Variants in FBXL7 observed in about 807,000 individuals in gnomAD.
The protein encoded by FBXL7 is F-box/LRR-repeat protein 7.
In FBXL7, 12 loss-of-function variants were observed where a neutral mutation model predicts 38.3. The observed-to-expected ratio is 0.31, with a 90% CI of 0.20 to 0.51. FBXL7 has a LOEUF of 0.51. Among genes scored for constraint, FBXL7 ranks in the 20% least tolerant of loss-of-function variants. FBXL7 has a pLI of 0.98. For synonymous variants in FBXL7, 297 were observed against 300.9 expected (o/e 0.99, Z 0.13); for missense variants, 567 against 676.4 (o/e 0.84, Z 1.79).
intron 1 of FBXL7, among the ~76,000 whole-genome samples, chr5:15,571,923 A>G (rs960732081): frequency 6.6e-6 from 1 of 152,148 alleles, no homozygotes; most frequent in African/African-American, 2.4e-5. Flanking sequence ...CACATGCCCC[A>G]TCTCTTACCC....
intron 1 of FBXL7, among the ~76,000 whole-genome samples, chr5:15,576,381 G>C (rs988798852): frequency 2.6e-5 from 4 of 152,118 alleles, no homozygotes; most frequent in African/African-American, 9.7e-5. Context: ...ACTGTGCCTG[G>C]CTGAGAATCT....
chr5:15,529,615 C>T (rs1255539682), intron 1 of FBXL7, among the ~76,000 whole-genome samples: 1 of 152,064 alleles, frequency 6.6e-6, no homozygotes. Flanking sequence ...GTCGCGATCT[C>T]CTGACCTCGT....
chr5:15,889,149 A>G (rs1256642729), intron 2 of FBXL7, among the ~76,000 whole-genome samples: 1 of 152,150 alleles, frequency 6.6e-6, no homozygotes, highest in African/African-American at 2.4e-5. Context: ...GGTATAATCC[A>G]CTAGGAAGGA....
At chr5:15,805,298 G>A (rs998674379) in intron 2 of FBXL7, among the ~76,000 whole-genome samples, 3 of 152,288 alleles carry the variant, frequency 2.0e-5, no homozygotes, top group South Asian at 2.1e-4. Context: ...GAAGGGTGTT[G>A]TGCTGGATTC....
intron 2 of FBXL7, among the ~76,000 whole-genome samples, chr5:15,706,616 G>C (rs895344929): frequency 3.3e-5 from 5 of 152,100 alleles, no homozygotes; most frequent in African/African-American, 1.2e-4. Context: ...ACTTAACTAA[G>C]GTAGTAGCAG....
chr5:15,657,185 A>G (rs1741912494), intron 2 of FBXL7, among the ~76,000 whole-genome samples: 1 of 152,228 alleles, frequency 6.6e-6, no homozygotes, highest in South Asian at 2.1e-4. Context: ...TGCAGTTCCA[A>G]TCAGAATTTA....
At position 15,937,275 on chromosome 5, in the gene FBXL7, C is replaced by A; in HGVS notation, c.*89C>A. Reference sequence around the variant, plus strand: ...CAGCGTATGTAAGCACCGACACCCACTCAAAACAGCTCTTTCTTCCGGGAA... The same window carrying A: ...CAGCGTATGTAAGCACCGACACCCAATCAAAACAGCTCTTTCTTCCGGGAA... On this transcript the variant is annotated 3_prime_UTR_variant, in exon 4 of 4. Transcript: ENST00000504595. 3 of 1,367,596 alleles carry A rather than the reference C, an allele frequency of 2.2e-6. No individual in the cohort carries two copies. Among genetic ancestry groups the A allele is most frequent in the Non-Finnish European group, 2.9e-6 (3 of 1,037,940 alleles). 84.7% of individuals were successfully genotyped at this position (1,367,596 alleles called of 1,614,324 possible). A position where few individuals can be genotyped will look rare whatever the true frequency, so the allele number is the denominator to read the frequency against.
intron 2 of FBXL7, among the ~76,000 whole-genome samples, chr5:15,806,752 G>A (rs928920446): frequency 2.0e-5 from 3 of 152,118 alleles, no homozygotes; most frequent in Admixed American, 2.0e-4. Context: ...CAGGAGACAG[G>A]GGGCCCACGT....
chr5:15,734,130 A>T (rs35541655), intron 2 of FBXL7, among the ~76,000 whole-genome samples: 2 of 95,366 alleles, frequency 2.1e-5, no homozygotes, highest in Non-Finnish European at 4.7e-5. Context: ...AAAAAAAAAA[A>T]AAAAGCTTGT....
intron 2 of FBXL7, among the ~76,000 whole-genome samples, chr5:15,667,813 T>G (rs896272132): frequency 6.6e-6 from 1 of 152,184 alleles, no homozygotes; most frequent in Non-Finnish European, 1.5e-5. Context: ...TTATTTTCTT[T>G]CTAGTCACTA....
chr5:15,931,002 T>C (rs114492567), intron 3 of FBXL7, among the ~76,000 whole-genome samples: 1 of 152,204 alleles, frequency 6.6e-6, no homozygotes. Flanking sequence ...GACTTGACTT[T>C]GGAAGACTCA....
intron 2 of FBXL7, among the ~76,000 whole-genome samples, chr5:15,873,740 C>T (rs548983481): frequency 5.6e-4 from 85 of 152,236 alleles, no homozygotes; most frequent in African/African-American, 2.0e-3. Context: ...CCTGACTAGA[C>T]CAATAACAAG....
intron 1 of FBXL7, among the ~76,000 whole-genome samples, chr5:15,586,257 TCCCCTCCCCTCC>T (rs1739300204): frequency 4.5e-5 from 3 of 66,620 alleles, no homozygotes; most frequent in African/African-American, 1.8e-4. Context: ...GTTTCTCCCC[TCCCCTCCCCTCC>T]CCCCTCCCCC....
At chr5:15,519,546 A>G (rs1561013082) in intron 1 of FBXL7, among the ~76,000 whole-genome samples, 2 of 152,176 alleles carry the variant, frequency 1.3e-5, no homozygotes, top group Non-Finnish European at 2.9e-5. Context: ...ACAGGAGAGC[A>G]AAGTTATGCT....
intron 2 of FBXL7, among the ~76,000 whole-genome samples, chr5:15,860,984 C>T (rs530705541): frequency 1.3e-5 from 2 of 152,316 alleles, no homozygotes; most frequent in Admixed American, 1.3e-4. Flanking sequence ...CTGCACCACA[C>T]TTTTTGCTAC....
At chr5:15,873,139 G>A (rs1485522420) in intron 2 of FBXL7, among the ~76,000 whole-genome samples, 1 of 152,132 alleles carries the variant, frequency 6.6e-6, no homozygotes, top group Non-Finnish European at 1.5e-5. Flanking sequence ...ACTCAAAACT[G>A]CACAACTACA....
intron 2 of FBXL7, among the ~76,000 whole-genome samples, chr5:15,658,260 C>A (rs953573094): frequency 7.2e-5 from 11 of 152,250 alleles, no homozygotes; most frequent in Admixed American, 5.9e-4. Flanking sequence ...CTCTTTAATA[C>A]ATTTATTTTT....
At chr5:15,534,482 T>C (rs1737523338) in intron 1 of FBXL7, among the ~76,000 whole-genome samples, 1 of 152,236 alleles carries the variant, frequency 6.6e-6, no homozygotes, top group Admixed American at 6.5e-5. Flanking sequence ...TCATGTTTTT[T>C]CATGATTTGA....
intron 2 of FBXL7, among the ~76,000 whole-genome samples, chr5:15,894,727 G>C (rs760016631): frequency 1.1e-4 from 17 of 152,214 alleles, no homozygotes; most frequent in Non-Finnish European, 2.5e-4. Flanking sequence ...TTATGAGGTA[G>C]AGTTTTACTG....
Sources: allele counts gnomAD v4.1 joint callset (sites outside exome capture counted in the v4.1 genomes callset), GRCh38; gene constraint gnomAD v4.1.1; transcripts MANE v1.5; gene names NCBI Gene and HGNC (gene_info 2026-07-23, HGNC 2026-07-21).